The following RAD51B variants were observed in gnomAD, a reference collection of about 807,000 sequenced individuals.
The protein encoded by RAD51B is RAD51 paralog B, also known as DNA repair protein RAD51 homolog 2.
In RAD51B, 38 loss-of-function variants were observed where a neutral mutation model predicts 42.2. The observed-to-expected ratio is 0.90, with a 90% confidence interval of 0.70 to 1.18. RAD51B has a LOEUF of 1.18. Ranked by LOEUF, RAD51B falls within the 50% of genes most tolerant of loss-of-function variation. RAD51B has a pLI of 0.00. For missense variants in RAD51B, 373 were observed against 400.7 expected, an observed-to-expected ratio of 0.93 and a Z score of 0.59; for synonymous variants, 154 against 145.2, an observed-to-expected ratio of 1.06 and a Z score of -0.43.
At chr14:67,989,830 G>T (rs559823223) in intron 7 of RAD51B, among the ~76,000 whole-genome samples, 1 of 151,966 alleles carries the variant, frequency 6.6e-6, no homozygotes, top group East Asian at 1.9e-4. Context: ...TGCTTTGCTT[G>T]CATTTACATG....
At chr14:67,942,961 T>C (rs897906530) in intron 7 of RAD51B, among the ~76,000 whole-genome samples, 1 of 152,158 alleles carries the variant, frequency 6.6e-6, no homozygotes. Flanking sequence ...TTGTCAGTTT[T>C]CTGTGGTGGC....
intron 10 of RAD51B, among the ~76,000 whole-genome samples, chr14:68,619,878 C>A (rs1157977044): frequency 1.3e-5 from 2 of 152,202 alleles, no homozygotes; most frequent in Non-Finnish European, 2.9e-5. Flanking sequence ...ACACTTAAGT[C>A]CCCTTTTGAG....
At chr14:68,514,838 T>A (rs546652838) in intron 10 of RAD51B, among the ~76,000 whole-genome samples, 1 of 152,206 alleles carries the variant, frequency 6.6e-6, no homozygotes, top group African/African-American at 2.4e-5. Context: ...AGACCTGAGA[T>A]CCTATCTCAC....
chr14:68,555,235 T>C (rs920240968), intron 10 of RAD51B, among the ~76,000 whole-genome samples: 2 of 152,252 alleles, frequency 1.3e-5, no homozygotes, highest in Non-Finnish European at 2.9e-5. Context: ...TTACCCCTTG[T>C]TCTGTGTTAA....
intron 7 of RAD51B, among the ~76,000 whole-genome samples, chr14:68,282,931 A>G (rs2081347890): frequency 1.3e-5 from 2 of 152,268 alleles, no homozygotes; most frequent in South Asian, 2.1e-4. Flanking sequence ...ACTCCGCTCT[A>G]CTATATGCCA....
intron 7 of RAD51B, among the ~76,000 whole-genome samples, chr14:68,093,435 G>A (rs2077137584): frequency 6.6e-6 from 1 of 152,184 alleles, no homozygotes; most frequent in South Asian, 2.1e-4. Context: ...TTGGGAGGGT[G>A]TATGTGTCCA....
At chr14:68,643,288 G>T (rs1321787906) in intron 10 of RAD51B, among the ~76,000 whole-genome samples, 1 of 152,106 alleles carries the variant, frequency 6.6e-6, no homozygotes, top group Non-Finnish European at 1.5e-5. Flanking sequence ...ACTTTCCTTG[G>T]TCTGAAGCCT....
chr14:68,530,446 CAAAAAAA>C (rs35454756), intron 10 of RAD51B, among the ~76,000 whole-genome samples: 3 of 67,844 alleles, frequency 4.4e-5, no homozygotes, highest in African/African-American at 1.0e-4. Context: ...GACCCTGTCT[CAAAAAAA>C]AAAAAAAAAA....
At chr14:68,380,843 G>T (rs927405985) in intron 8 of RAD51B, among the ~76,000 whole-genome samples, 2 of 152,188 alleles carry the variant, frequency 1.3e-5, no homozygotes, top group Non-Finnish European at 2.9e-5. Flanking sequence ...TGTGATTTGT[G>T]TACACCCACA....
At chr14:67,932,152 C>T (rs974576045) in intron 7 of RAD51B, among the ~76,000 whole-genome samples, 1 of 152,104 alleles carries the variant, frequency 6.6e-6, no homozygotes, top group Admixed American at 6.5e-5. Context: ...ATGTATTTTC[C>T]AGCATCTGTT....
At chr14:68,241,042 C>T (rs577106603) in intron 7 of RAD51B, among the ~76,000 whole-genome samples, 21 of 152,294 alleles carry the variant, frequency 1.4e-4, no homozygotes, top group African/African-American at 5.1e-4. Context: ...ATAGCTTTCA[C>T]CCCAGATATC....
chr14:68,554,265 A>G (rs1566935907), intron 10 of RAD51B, among the ~76,000 whole-genome samples: 1 of 152,170 alleles, frequency 6.6e-6, no homozygotes, highest in Non-Finnish European at 1.5e-5. Context: ...TCTCAAAACA[A>G]AAGTCACACC....
At chr14:68,250,423 T>A (rs919020112) in intron 7 of RAD51B, among the ~76,000 whole-genome samples, 1 of 152,240 alleles carries the variant, frequency 6.6e-6, no homozygotes, top group African/African-American at 2.4e-5. Flanking sequence ...GAAGCTTAAT[T>A]TTCTTACTAT....
intron 8 of RAD51B, among the ~76,000 whole-genome samples, chr14:68,359,813 G>T (rs1348471095): frequency 6.6e-6 from 1 of 152,206 alleles, no homozygotes; most frequent in Non-Finnish European, 1.5e-5. Flanking sequence ...AGAACTGTCT[G>T]TCCTTTTTGT....
At chr14:68,092,965 T>G (rs976202407) in intron 7 of RAD51B, among the ~76,000 whole-genome samples, 1 of 149,740 alleles carries the variant, frequency 6.7e-6, no homozygotes, top group Admixed American at 6.7e-5. Context: ...AATCATGTGG[T>G]TTTTGTCTTT....
intron 7 of RAD51B, among the ~76,000 whole-genome samples, chr14:68,214,863 G>A (rs978401590): frequency 6.6e-6 from 1 of 152,114 alleles, no homozygotes; most frequent in African/African-American, 2.4e-5. Flanking sequence ...CAGTTTTGTG[G>A]GCAACCTGTG....
intron 10 of RAD51B, among the ~76,000 whole-genome samples, chr14:68,622,908 T>C (rs8014901): frequency 0.23 from 35,553 of 151,860 alleles, 4,688 homozygotes; most frequent in African/African-American, 0.34. Flanking sequence ...ACCCTCAGAC[T>C]GCACCATGGA....
chr14:68,019,736 G>A lies in RAD51B; in HGVS notation c.756+132532G>A, dbSNP rs562781372. Among the ~76,000 whole-genome samples the A allele has an allele frequency of 3.3e-5, 5 of 152,172 alleles. No homozygotes were observed. In the South Asian group the frequency reaches 6.2e-4, roughly 19 times the overall value. ...ACTGTGATTTTATCAGTTAAGATTA[G>A]GATGACTGCGTATAACAAAAAAAGA... On this transcript the variant is annotated intron_variant, in intron 7 of 10. Transcript: ENST00000471583.
intron 11 of RAD51B, among the ~76,000 whole-genome samples, chr14:68,662,440 C>G (rs1463691481): frequency 2.0e-5 from 3 of 152,212 alleles, no homozygotes; most frequent in Non-Finnish European, 4.4e-5. Flanking sequence ...AAAGTTCTTC[C>G]TAGTCTCTAA....
Sources: gnomAD v4.1 joint callset for allele counts (sites outside exome capture counted in the v4.1 genomes callset) on GRCh38, gnomAD v4.1.1 for gene constraint, MANE v1.5 for transcripts, NCBI Gene and HGNC (gene_info 2026-07-23, HGNC 2026-07-21) for gene names.